DAB1: variants seen among roughly 807,000 people sequenced by gnomAD.
DAB1 encodes the protein disabled homolog 1.
Under a neutral mutation model 64.6 loss-of-function variants are expected in DAB1, and 15 were observed. The observed-to-expected ratio is 0.23, with a 90% CI of 0.16 to 0.36. The LOEUF (loss-of-function observed/expected upper bound fraction) is 0.36. Among genes scored for constraint, DAB1 ranks in the 10% least tolerant of loss-of-function variants. The pLI, the probability that DAB1 is intolerant of heterozygous loss-of-function variation, is 1.00. For synonymous variants in DAB1, 235 were observed against 251.9 expected, an observed-to-expected ratio of 0.93 and a Z score of 0.64; for missense variants, 596 against 706.7, an observed-to-expected ratio of 0.84 and a Z score of 1.78.
intron 7 of DAB1, among the ~76,000 whole-genome samples, chr1:57,542,840 G>A (rs548631389): frequency 6.6e-6 from 1 of 152,258 alleles, no homozygotes; most frequent in East Asian, 1.9e-4. Context: ...TGTGGCAGAA[G>A]AGATGATATG....
chr1:57,005,032 G>T (rs1438336011), intron 14 of DAB1, among the ~76,000 whole-genome samples: 1 of 152,166 alleles, frequency 6.6e-6, no homozygotes, highest in Non-Finnish European at 1.5e-5. Context: ...GAGTCTGAAA[G>T]TCTGGCTGTT....
chr1:57,888,706 C>A (rs1277933619), upstream of DAB1, among the ~76,000 whole-genome samples: 1 of 152,112 alleles, frequency 6.6e-6, no homozygotes. Context: ...AGAAACAAAC[C>A]TATCCTTGTG....
chr1:57,867,635 C>T (rs1654365332), intron 1 of DAB1, among the ~76,000 whole-genome samples: 1 of 152,110 alleles, frequency 6.6e-6, no homozygotes, highest in Non-Finnish European at 1.5e-5. Flanking sequence ...GGTGTGGCCA[C>T]GTTGCCTCTC....
intron 7 of DAB1, among the ~76,000 whole-genome samples, chr1:57,543,885 T>C (rs1644829145): frequency 6.6e-6 from 1 of 152,158 alleles, no homozygotes; most frequent in African/African-American, 2.4e-5. Context: ...AGAGGATTGA[T>C]TGCTTGAGGC....
At chr1:57,460,020 A>G (rs74074728) in intron 7 of DAB1, among the ~76,000 whole-genome samples, 6,390 of 152,224 alleles carry the variant, frequency 0.042, 213 homozygotes, top group East Asian at 0.17. Context: ...AAGATGAGGG[A>G]TAATATTTGT....
At chr1:57,715,247 C>T (rs949745903) in intron 6 of DAB1, among the ~76,000 whole-genome samples, 2 of 152,160 alleles carry the variant, frequency 1.3e-5, no homozygotes, top group African/African-American at 4.8e-5. Flanking sequence ...TACAAAAGTG[C>T]TCAACATGTT....
chr1:58,512,857 T>C (rs1172686509), intron 2 of DAB1, among the ~76,000 whole-genome samples: 1 of 152,164 alleles, frequency 6.6e-6, no homozygotes, highest in Non-Finnish European at 1.5e-5. Context: ...AAGTATGTGT[T>C]GTAAAATTAT....
chr1:57,730,794 G>T (rs1178990700), intron 6 of DAB1, among the ~76,000 whole-genome samples: 1 of 152,188 alleles, frequency 6.6e-6, no homozygotes, highest in Non-Finnish European at 1.5e-5. Flanking sequence ...CACTGATTCA[G>T]ATGGCTATTA....
At position 58,421,687 on chromosome 1, in the gene DAB1, T is replaced by G. The variant is rs79922202; in HGVS notation, n.258-78284A>C. On this transcript the variant is annotated intron_variant and non_coding_transcript_variant, in intron 3 of 20. Coordinates refer to the DAB1 transcript ENST00000485760. ...TGTGATCTGTCCCAGATGACATACTTGAAGAGGGACATTCACAAACGAGGG... is the reference window on the plus strand; with the variant it reads ...TGTGATCTGTCCCAGATGACATACTGGAAGAGGGACATTCACAAACGAGGG... Among the ~76,000 whole-genome samples the G allele has an allele frequency of 7.5e-3, 1,147 of 152,230 alleles. 9 individuals are homozygous for G. Among genetic ancestry groups the G allele is most frequent in the Non-Finnish European group, 0.012 (814 of 68,012 alleles).
chr1:57,933,486 A>C (rs575967409), intron 5 of DAB1, among the ~76,000 whole-genome samples: 146 of 152,286 alleles, frequency 9.6e-4, no homozygotes, highest in African/African-American at 3.3e-3. Context: ...TCATATTGTA[A>C]GTACTCTTCT....
Position 57,093,762 on chromosome 1 carries a change from G to A in DAB1, c.307-21348C>T, listed in dbSNP as rs534068558. On this transcript the variant is annotated intron_variant, in intron 4 of 14. Coordinates refer to ENST00000371236, the MANE Select transcript of DAB1 (RefSeq NM_001365792.1). Reference sequence around the variant, plus strand: ...CACATCATAAAGTTGTGAGTTAAATGACCTCTGTACGTATCTAGAAGAGGG... The same window carrying A: ...CACATCATAAAGTTGTGAGTTAAATAACCTCTGTACGTATCTAGAAGAGGG... Among the ~76,000 whole-genome samples the A allele has an allele frequency of 8.5e-5, 13 of 152,206 alleles. No homozygotes were observed. In the East Asian group the frequency reaches 2.1e-3, roughly 25 times the overall value.
intron 2 of DAB1, among the ~76,000 whole-genome samples, chr1:57,203,787 G>A (rs965986052): frequency 5.3e-5 from 8 of 152,158 alleles, no homozygotes; most frequent in Non-Finnish European, 1.0e-4. Context: ...TTGCTTGAAG[G>A]ACATTATGCA....
intron 1 of DAB1, chr1:57,867,031 C>T (rs951112027): frequency 6.6e-6 from 1 of 152,160 alleles, no homozygotes; most frequent in Non-Finnish European, 1.5e-5. Flanking sequence ...GGCACCAATG[C>T]AGGAATCACC....
At chr1:58,030,433 A>G (rs1646955574) in intron 5 of DAB1, among the ~76,000 whole-genome samples, 1 of 152,214 alleles carries the variant, frequency 6.6e-6, no homozygotes. Context: ...TGAAAGTACA[A>G]TCCAATTTGC....
chr1:57,761,488 G>C (rs1261789407), intron 6 of DAB1, among the ~76,000 whole-genome samples: 1 of 152,178 alleles, frequency 6.6e-6, no homozygotes, highest in Non-Finnish European at 1.5e-5. Flanking sequence ...ACAATTCTGA[G>C]GTCTTATTGA....
At position 57,430,894 on chromosome 1, in the gene DAB1, C is replaced by T. The variant is rs977886017; in HGVS notation, n.626-139728G>A. Among the ~76,000 whole-genome samples the T allele has an allele frequency of 4.7e-5, 5 of 106,566 alleles. No homozygotes were observed. In the East Asian group the frequency reaches 8.3e-4, roughly 18 times the overall value. 69.9% of individuals were successfully genotyped at this position (106,566 alleles called of 152,430 possible). ...ACTCTATACCAGGCACAATGTTAGG[C>T]ATTGGCAGAGAAAGAAAAAAAAAAA... On this transcript the variant is annotated intron_variant and non_coding_transcript_variant, in intron 7 of 20. Transcript: ENST00000485760.
intron 5 of DAB1, among the ~76,000 whole-genome samples, chr1:58,079,499 TG>T (rs1276775409): frequency 1.4e-5 from 2 of 148,086 alleles, no homozygotes; most frequent in African/African-American, 5.0e-5. Flanking sequence ...TATTGTTAAA[TG>T]AATGAGCATA....
intron 1 of DAB1, among the ~76,000 whole-genome samples, chr1:57,337,137 G>A (rs575288527): frequency 6.6e-6 from 1 of 152,278 alleles, no homozygotes; most frequent in Admixed American, 6.5e-5. Context: ...CAACCACACA[G>A]CTAAAGCCTC....
intron 2 of DAB1, among the ~76,000 whole-genome samples, chr1:57,224,431 C>T (rs914056156): frequency 6.4e-4 from 97 of 152,184 alleles, no homozygotes; most frequent in African/African-American, 2.3e-3. Context: ...TATCTCTCAT[C>T]CCACTTTTAG....
Sources: allele counts gnomAD v4.1 joint callset (sites outside exome capture counted in the v4.1 genomes callset), GRCh38; gene constraint gnomAD v4.1.1; transcripts MANE v1.5; gene names NCBI Gene and HGNC (gene_info 2026-07-23, HGNC 2026-07-21).